EPM2A: variants seen among roughly 807,000 people sequenced by gnomAD.
EPM2A encodes laforin.
In EPM2A, 21 loss-of-function variants were observed where a neutral mutation model predicts 26.5. The ratio of observed to expected loss-of-function variants is 0.79; its 90% CI spans 0.56 to 1.14. The LOEUF is 1.14. Ranked by LOEUF, EPM2A falls within the 50% of genes most tolerant of loss-of-function variation. EPM2A has a pLI of 0.00. For synonymous variants in EPM2A, 217 were observed against 177.6 expected (o/e 1.22, Z -1.76); for missense variants, 458 against 440.8 (o/e 1.04, Z -0.35).
intron 2 of EPM2A, among the ~76,000 whole-genome samples, chr6:145,506,467 C>T (rs13212092): frequency 6.6e-6 from 1 of 151,708 alleles, no homozygotes; most frequent in African/African-American, 2.4e-5. Flanking sequence ...ACCTAAAAGT[C>T]TAAAAGCACA....
intron 2 of EPM2A, among the ~76,000 whole-genome samples, chr6:145,519,202 T>C (rs1240814266): frequency 6.6e-6 from 1 of 152,204 alleles, no homozygotes; most frequent in East Asian, 1.9e-4. Flanking sequence ...AATATCTTGA[T>C]AGTTGATTAG....
At chr6:145,471,751 G>C (rs1779476588) in intron 4 of EPM2A, among the ~76,000 whole-genome samples, 1 of 152,092 alleles carries the variant, frequency 6.6e-6, no homozygotes, top group Non-Finnish European at 1.5e-5. Context: ...TTCCAAACTT[G>C]AGTGCCCACA....
At chr6:145,665,272 C>G (rs1779085048) in intron 2 of EPM2A, among the ~76,000 whole-genome samples, 1 of 38,736 alleles carries the variant, frequency 2.6e-5, no homozygotes, top group African/African-American at 1.3e-4. Context: ...GCTAGCAAGA[C>G]TAATAAAGAA....
At chr6:145,708,998 G>A (rs748401863) in intron 1 of EPM2A, among the ~76,000 whole-genome samples, 4 of 152,216 alleles carry the variant, frequency 2.6e-5, no homozygotes, top group Non-Finnish European at 5.9e-5. Flanking sequence ...TTGGTTTTCA[G>A]ACTTCATGGG....
At chr6:145,464,677 T>A (rs1371225583) in intron 4 of EPM2A, among the ~76,000 whole-genome samples, 2 of 152,160 alleles carry the variant, frequency 1.3e-5, no homozygotes, top group Non-Finnish European at 2.9e-5. Flanking sequence ...GTTACATGTG[T>A]AACATATTTT....
chr6:145,490,985 CT>C, intron 4 of EPM2A: 1 of 914,106 alleles, frequency 1.1e-6, no homozygotes, highest in Non-Finnish European at 1.7e-6. Context: ...GTTTTGATGC[CT>C]TCATCTTCAC....
intron 4 of EPM2A, among the ~76,000 whole-genome samples, chr6:145,410,351 G>T (rs1290506149): frequency 2.6e-5 from 4 of 152,130 alleles, no homozygotes; most frequent in African/African-American, 9.7e-5. Context: ...TTACTGAGAA[G>T]AATAATCCTA....
At chr6:145,718,275 A>G (rs1775751860) in intron 1 of EPM2A, among the ~76,000 whole-genome samples, 1 of 148,428 alleles carries the variant, frequency 6.7e-6, no homozygotes, top group Admixed American at 6.8e-5. Context: ...ACAGAGATAT[A>G]GATCAATGGA....
At chr6:145,571,064 T>A (rs1273184925) in intron 2 of EPM2A, among the ~76,000 whole-genome samples, 1 of 152,196 alleles carries the variant, frequency 6.6e-6, no homozygotes, top group Non-Finnish European at 1.5e-5. Flanking sequence ...CAGCAGAGCA[T>A]AATGTCACGG....
intron 4 of EPM2A, among the ~76,000 whole-genome samples, chr6:145,393,767 C>T (rs183425925): frequency 1.2e-3 from 175 of 151,988 alleles, no homozygotes; most frequent in Non-Finnish European, 1.7e-3. Context: ...TTTTATGCTA[C>T]GGTTGTAACC....
Position 145,467,221 on chromosome 6 carries a change from T to C in EPM2A, c.555+35301A>G, listed in dbSNP as rs144360461. On this transcript the variant is annotated intron_variant, in intron 4 of 4. Coordinates refer to the EPM2A transcript ENST00000638717. ...AACATAATTTTATATTTCTGTACTTTATGTATAATTGTTTGGTCTATTTCA... is the reference window on the plus strand; with the variant it reads ...AACATAATTTTATATTTCTGTACTTCATGTATAATTGTTTGGTCTATTTCA... Among the ~76,000 whole-genome samples, 178 of 152,232 alleles carry C rather than the reference T, an allele frequency of 1.2e-3. 1 individual carries two copies. The highest frequency in any genetic ancestry group is 4.0e-3 in the African/African-American group (165 of 41,558).
intron 1 of EPM2A, among the ~76,000 whole-genome samples, chr6:145,729,151 C>T (rs1776356775): frequency 6.6e-6 from 1 of 152,188 alleles, no homozygotes; most frequent in African/African-American, 2.4e-5. Context: ...TTGGAAACAC[C>T]TAGATATCCA....
chr6:145,468,970 T>C, intron 4 of EPM2A, among the ~76,000 whole-genome samples: 1 of 152,088 alleles, frequency 6.6e-6, no homozygotes, highest in East Asian at 1.9e-4. Flanking sequence ...GATTTTAAAA[T>C]GGGCAAAAGA....
At chr6:145,550,796 T>C (rs1173007968) in intron 2 of EPM2A, among the ~76,000 whole-genome samples, 1 of 152,118 alleles carries the variant, frequency 6.6e-6, no homozygotes, top group Non-Finnish European at 1.5e-5. Flanking sequence ...ACATTTTTTA[T>C]CTATTTTATT....
At chr6:145,569,424 C>T (rs1304171277) in intron 2 of EPM2A, among the ~76,000 whole-genome samples, 1 of 152,168 alleles carries the variant, frequency 6.6e-6, no homozygotes, top group Non-Finnish European at 1.5e-5. Context: ...AAGCTTTGTA[C>T]AAAACCAGAA....
chr6:145,523,357 C>T (rs1780229237), intron 2 of EPM2A, among the ~76,000 whole-genome samples: 3 of 152,146 alleles, frequency 2.0e-5, no homozygotes, highest in Admixed American at 1.3e-4. Flanking sequence ...TGAATTTTTG[C>T]AAATTGAAGG....
rs557112782 is a variant in EPM2A, at chr6:145,679,405, T to C, written c.476+6717A>G. Among the ~76,000 whole-genome samples the C allele has an allele frequency of 7.4e-5, 11 of 148,736 alleles. No individual in the cohort carries two copies. The East Asian group carries it at 2.2e-3, about 30-fold the overall frequency. ...AACATGTACCCTAGAACTTAAAGTATAATAATAAAAAACAAAAAAGGAGAA... is the reference window on the plus strand; with the variant it reads ...AACATGTACCCTAGAACTTAAAGTACAATAATAAAAAACAAAAAAGGAGAA... On this transcript the variant is annotated intron_variant, in intron 2 of 3. Coordinates refer to ENST00000367519, the MANE Select transcript of EPM2A (RefSeq NM_005670.4).
intron 1 of EPM2A, among the ~76,000 whole-genome samples, chr6:145,698,217 G>A (rs1027353365): frequency 6.6e-6 from 1 of 152,150 alleles, no homozygotes; most frequent in African/African-American, 2.4e-5. Context: ...AAATGCTTAT[G>A]AGAACATAGA....
In EPM2A at chr6:145,627,298, T is replaced by C; in HGVS notation, c.*118A>G. 2 of 1,585,650 alleles carry C rather than the reference T, an allele frequency of 1.3e-6. No individual in the cohort carries two copies. The highest frequency in any genetic ancestry group is 2.2e-5 in the East Asian group (1 of 44,678). ...GTCATCCCAGGTGAAAGTGGTTGGCTTGGGGGAGGTCACACAGTCCTTTCA... is the reference window on the plus strand; with the variant it reads ...GTCATCCCAGGTGAAAGTGGTTGGCCTGGGGGAGGTCACACAGTCCTTTCA... On this transcript the variant is annotated 3_prime_UTR_variant, in exon 4 of 4. Coordinates refer to ENST00000367519, the MANE Select transcript of EPM2A (RefSeq NM_005670.4).
Sources: allele counts gnomAD v4.1 joint callset (sites outside exome capture counted in the v4.1 genomes callset), GRCh38; gene constraint gnomAD v4.1.1; transcripts MANE v1.5; gene names NCBI Gene and HGNC (gene_info 2026-07-23, HGNC 2026-07-21).